Variants in RBFOX3 observed in about 807,000 individuals in gnomAD.
RBFOX3 encodes RNA binding fox-1 homolog 3.
In RBFOX3, 17 loss-of-function variants were observed where a neutral mutation model predicts 48.7. That is an observed-to-expected ratio of 0.35 (90% CI 0.24 to 0.52). RBFOX3 has a LOEUF of 0.52. Among genes scored for constraint, RBFOX3 ranks in the 20% least tolerant of loss-of-function variants. RBFOX3 has a pLI of 0.94. For missense variants in RBFOX3, 382 were observed against 497.5 expected (o/e 0.77, Z 2.21); for synonymous variants, 212 against 209.5 (o/e 1.01, Z -0.10).
intron 1 of RBFOX3, among the ~76,000 whole-genome samples, chr17:79,547,304 A>G (rs2090576110): frequency 2.0e-5 from 3 of 152,132 alleles, no homozygotes; most frequent in Admixed American, 2.0e-4. Context: ...AAAATTAGCC[A>G]GGCGTGGTGG....
chr17:79,596,025 T>G (rs2093560462), intron 1 of RBFOX3, among the ~76,000 whole-genome samples: 2 of 152,188 alleles, frequency 1.3e-5, no homozygotes, highest in Non-Finnish European at 2.9e-5. Context: ...TCTTCCAGAA[T>G]TATCTGGCAT....
intron 2 of RBFOX3, among the ~76,000 whole-genome samples, chr17:79,315,581 C>G (rs1226108885): frequency 6.6e-6 from 1 of 152,262 alleles, no homozygotes. Flanking sequence ...CACCCTGGTC[C>G]TTGCTTTGAT....
At chr17:79,093,165 G>A (rs1192536656) in intron 14 of RBFOX3, among the ~76,000 whole-genome samples, 3 of 152,046 alleles carry the variant, frequency 2.0e-5, no homozygotes, top group African/African-American at 7.2e-5. Context: ...GTCCTCCTGG[G>A]CCCACCTGAG....
Position 79,477,287 on chromosome 17 carries a change from T to C in RBFOX3, c.-175+5167A>G, listed in dbSNP as rs1218521563. Among the ~76,000 whole-genome samples, 3 of 131,982 alleles carry C rather than the reference T, an allele frequency of 2.3e-5. No homozygotes were observed. The highest frequency in any genetic ancestry group is 2.5e-4 in the South Asian group (1 of 4,018). 86.6% of individuals were successfully genotyped at this position (131,982 alleles called of 152,430 possible). A position where few individuals can be genotyped will look rare whatever the true frequency, so the allele number is the denominator to read the frequency against. On this transcript the variant is annotated intron_variant, in intron 2 of 14. Transcript: ENST00000693108. This position sits in a 1 kb window ranked among gnomAD's most constrained non-coding sequence, Gnocchi z 4.8. ...AAAAAAAAAAAAAAAGAGGGCGCGG[T>C]GGCTCACACCTGTAATCCCAGCACT...
At chr17:79,470,300 C>A (rs564518984) in intron 2 of RBFOX3, among the ~76,000 whole-genome samples, 2 of 152,230 alleles carry the variant, frequency 1.3e-5, no homozygotes, top group South Asian at 4.1e-4. Context: ...GCCAAAATGC[C>A]GTGTGTCCAC....
intron 1 of RBFOX3, among the ~76,000 whole-genome samples, chr17:79,490,052 CCT>C (rs1421979321): frequency 3.3e-5 from 5 of 152,176 alleles, no homozygotes; most frequent in African/African-American, 9.7e-5. Flanking sequence ...ACCTCCTCCC[CCT>C]GTTTTTAAAC....
rs555168947 is a variant in RBFOX3, at chr17:79,480,329, G to A, written c.-175+2125C>T. ...CCAGATCCACCACTCCTCTCCTCCCGGGTCCATGGCAGAGCCAGTGCTCCC... is the reference window on the plus strand; with the variant it reads ...CCAGATCCACCACTCCTCTCCTCCCAGGTCCATGGCAGAGCCAGTGCTCCC... On this transcript the variant is annotated intron_variant, in intron 2 of 14. Transcript: ENST00000693108. This position sits in a 1 kb window ranked among gnomAD's most constrained non-coding sequence, Gnocchi z 4.8. 2.6e-5 allele frequency among the ~76,000 whole-genome samples: 4 copies of A among 152,080 alleles called. No homozygotes were observed. Among genetic ancestry groups the A allele is most frequent in the Admixed American group, 2.0e-4 (3 of 15,274 alleles).
chr17:79,301,275 C>T (rs371610253), intron 3 of RBFOX3, among the ~76,000 whole-genome samples: 18 of 152,330 alleles, frequency 1.2e-4, no homozygotes, highest in African/African-American at 4.1e-4. Flanking sequence ...CAGGTCCAGC[C>T]CTCTGGGGCT....
intron 5 of RBFOX3, among the ~76,000 whole-genome samples, chr17:79,112,533 G>C (rs527396196): frequency 1.3e-5 from 2 of 152,260 alleles, no homozygotes; most frequent in South Asian, 4.1e-4. Flanking sequence ...AGACGGAGAG[G>C]TCTGAGGCAT....
At chr17:79,344,077 G>C (rs976794194) in intron 2 of RBFOX3, among the ~76,000 whole-genome samples, 4 of 152,118 alleles carry the variant, frequency 2.6e-5, no homozygotes, top group African/African-American at 7.2e-5. Context: ...CTCCAAGAGG[G>C]GTTAGTGTGG....
chr17:79,533,303 A>T (rs1367957588), intron 1 of RBFOX3, among the ~76,000 whole-genome samples: 2 of 152,232 alleles, frequency 1.3e-5, no homozygotes, highest in African/African-American at 4.8e-5. Context: ...GAGTCCAGGC[A>T]TCGAAAATCC....
chr17:79,656,652 A>AGGG, the RBFOX3 span, among the ~76,000 whole-genome samples: 12 of 113,312 alleles, frequency 1.1e-4, no homozygotes, highest in African/African-American at 4.3e-4. Flanking sequence ...GAGAAGAAAG[A>AGGG]AAGGAAGAGA....
At chr17:79,399,825 G>T (rs981570467) in intron 2 of RBFOX3, among the ~76,000 whole-genome samples, 2 of 152,194 alleles carry the variant, frequency 1.3e-5, no homozygotes, top group African/African-American at 4.8e-5. Flanking sequence ...AAGCGTGAAC[G>T]CGCCGCTGGA....
chr17:79,209,720 G>A (rs374753806), intron 4 of RBFOX3, among the ~76,000 whole-genome samples: 239 of 152,354 alleles, frequency 1.6e-3, no homozygotes, highest in African/African-American at 5.1e-3. Context: ...CTGGCCGGGC[G>A]TGGTGGCTCA....
intron 2 of RBFOX3, among the ~76,000 whole-genome samples, chr17:79,378,347 T>C (rs7225166): frequency 0.99 from 151,424 of 152,364 alleles, 75,252 homozygotes; most frequent in Middle Eastern, 1. Context: ...CTGGACTAGC[T>C]TCATGAGGGG....
chr17:79,331,530 T>C (rs2080298540), intron 2 of RBFOX3, among the ~76,000 whole-genome samples: 1 of 152,204 alleles, frequency 6.6e-6, no homozygotes, highest in Admixed American at 6.5e-5. Flanking sequence ...CTGGAGAATG[T>C]CCTGCCCGTG....
rs992679550 is a variant in RBFOX3, at chr17:79,397,333, T to TA, written c.-175+85120dup. Among the ~76,000 whole-genome samples the TA allele has an allele frequency of 1.6e-3, 247 of 149,716 alleles. 2 individuals carry two copies. The highest frequency in any genetic ancestry group is 5.3e-3 in the African/African-American group (216 of 40,750). On this transcript the variant is annotated intron_variant, in intron 2 of 14. Coordinates refer to ENST00000693108, the MANE Select transcript of RBFOX3 (RefSeq NM_001350451.2). ...CTGTCTCTCCTAAAAATAAAAAATT[T>TA]AAAAAAAAAATTAGCTGGGCCTGGT...
chr17:79,571,592 T>C (rs1397908158), intron 1 of RBFOX3, among the ~76,000 whole-genome samples: 2 of 143,226 alleles, frequency 1.4e-5, no homozygotes, highest in African/African-American at 5.2e-5. Context: ...GATAATTTGA[T>C]CAGGTTGTCT....
intron 4 of RBFOX3, among the ~76,000 whole-genome samples, chr17:79,180,441 CTGT>C (rs2051637658): frequency 6.6e-6 from 1 of 152,224 alleles, no homozygotes; most frequent in South Asian, 2.1e-4. Context: ...ATCAAATGTG[CTGT>C]TGAGATTGAA....
Sources: gnomAD v4.1 joint callset for allele counts (sites outside exome capture counted in the v4.1 genomes callset) on GRCh38, gnomAD v4.1.1 for gene constraint, Gnocchi (gnomAD v3.1) non-coding constraint, MANE v1.5 for transcripts, NCBI Gene and HGNC (gene_info 2026-07-23, HGNC 2026-07-21) for gene names.